The following ZNF469 variants were observed in gnomAD, a reference collection of about 807,000 sequenced individuals.
The protein encoded by ZNF469 is zinc finger protein 469.
A neutral mutation model predicts 1.0 loss-of-function variants in ZNF469; 1 was observed. The ratio of observed to expected loss-of-function variants is 1.00; its 90% CI spans 0.35 to 4.73. The LOEUF is 4.73. Among genes scored for constraint, ZNF469 ranks in the 30% most tolerant of loss-of-function variants. The probability of loss-of-function intolerance (pLI) is 0.16; values close to 1 mark genes in which losing one functional copy is unlikely to be tolerated. For synonymous variants in ZNF469, 2,703 were observed against 2,363.4 expected (o/e 1.14, Z -4.17); for missense variants, 6,100 against 5,356.3 (o/e 1.14, Z -4.33).
chr16:88,415,896 G>T (rs1251180037), intron 1 of ZNF469, among the ~76,000 whole-genome samples: 2 of 152,210 alleles, frequency 1.3e-5, no homozygotes, highest in African/African-American at 4.8e-5. Context: ...TCAAGCTGGG[G>T]CGGCAGGCAC....
the ZNF469 span, among the ~76,000 whole-genome samples, chr16:88,114,498 C>T: frequency 1.3e-5 from 2 of 151,060 alleles, no homozygotes; most frequent in Non-Finnish European, 2.9e-5. Context: ...TGGGGAATGA[C>T]AGGGACCACA....
rs1413238535 is a variant in ZNF469, at chr16:88,438,030, C to G, written c.10560C>G (p.Thr3520=). The G allele has an allele frequency of 2.6e-6, 4 of 1,550,130 alleles. No individual in the cohort carries two copies. Among genetic ancestry groups the G allele is most frequent in the Non-Finnish European group, 3.5e-6 (4 of 1,146,936 alleles). Residue 3520 remains threonine (T), a synonymous_variant, in exon 3 of 3, where the codon ACC becomes ACG. Transcript: ENST00000565624. The part of the protein sequence containing the change: ...HLCSEVAPST[T]KGWPETLERP... ...GTTCGGAGGTGGCTCCCAGCACCACCAAGGGATGGCCCGAGACCCTAGAGA... is the reference window on the plus strand; with the variant it reads ...GTTCGGAGGTGGCTCCCAGCACCACGAAGGGATGGCCCGAGACCCTAGAGA...
chr16:88,142,886 A>G, the ZNF469 span, among the ~76,000 whole-genome samples: 2 of 152,154 alleles, frequency 1.3e-5, no homozygotes, highest in South Asian at 4.1e-4. Flanking sequence ...GACGGATGGC[A>G]TCGTCACCCT....
At chr16:88,228,531 C>T in the ZNF469 span, among the ~76,000 whole-genome samples, 1 of 152,244 alleles carries the variant, frequency 6.6e-6, no homozygotes, top group Non-Finnish European at 1.5e-5. Context: ...AGCAGAGACG[C>T]ACCCCTGGGG....
chr16:88,320,934 A>C, the ZNF469 span, among the ~76,000 whole-genome samples: 2 of 152,246 alleles, frequency 1.3e-5, no homozygotes, highest in Non-Finnish European at 2.9e-5. Context: ...ACGCAGATGC[A>C]GTGTCCAGTG....
At chr16:88,411,350 G>A (rs1382273514) in intron 1 of ZNF469, among the ~76,000 whole-genome samples, 4 of 152,170 alleles carry the variant, frequency 2.6e-5, no homozygotes, top group South Asian at 2.1e-4. Context: ...ACGCAGCCCC[G>A]GCGGGTGGTC....
At chr16:88,210,346 T>C in the ZNF469 span, among the ~76,000 whole-genome samples, 5 of 152,034 alleles carry the variant, frequency 3.3e-5, no homozygotes, top group African/African-American at 1.2e-4. Context: ...ATTTGTCCTT[T>C]GGATTTCTTT....
chr16:88,354,624 G>A, the ZNF469 span, among the ~76,000 whole-genome samples: 5 of 17,328 alleles, frequency 2.9e-4, no homozygotes, highest in South Asian at 2.1e-3. Flanking sequence ...GCTTCTCACC[G>A]CGCCCGGCCC....
chr16:88,121,733 G>A, the ZNF469 span, among the ~76,000 whole-genome samples: 1 of 152,244 alleles, frequency 6.6e-6, no homozygotes, highest in African/African-American at 2.4e-5. Flanking sequence ...TTGGCCAGGA[G>A]GTTGCAGGCC....
At chr16:88,208,925 C>A in the ZNF469 span, among the ~76,000 whole-genome samples, 1 of 151,694 alleles carries the variant, frequency 6.6e-6, no homozygotes, top group African/African-American at 2.4e-5. Flanking sequence ...GGTCTGCCCT[C>A]TACCATTCTC....
At position 88,429,323 on chromosome 16, in the gene ZNF469, C is replaced by A; in HGVS notation, c.1853C>A (p.Pro618His). ...LSPMSSSPAN[P>H]SSEESQLPGP... ...CCGATGTCCAGCAGCCCAGCCAACC[C>A]CAGCTCAGAGGAAAGCCAGCTCCCC... The change falls in exon 3 of 3, where the codon CCC becomes CAC. Residue 618 changes from proline (P) to histidine (H), a missense_variant. By Grantham distance (77) the Pro-to-His change is moderately conservative. Coordinates refer to ENST00000565624, the MANE Select transcript of ZNF469 (RefSeq NM_001367624.2). 1 of 1,549,980 alleles carries A rather than the reference C, an allele frequency of 6.5e-7. No individual in the cohort carries two copies. Among genetic ancestry groups the A allele is most frequent in the East Asian group, 2.4e-5 (1 of 40,914 alleles).
the ZNF469 span, among the ~76,000 whole-genome samples, chr16:88,369,565 C>A: frequency 1.3e-5 from 2 of 152,268 alleles, no homozygotes; most frequent in African/African-American, 2.4e-5. Context: ...CAAGTCACTT[C>A]ACCTCTCTGA....
In ZNF469 at chr16:88,430,665, G is replaced by A. The variant is rs780404491; in HGVS notation, c.3195G>A (p.Leu1065=). 6.7e-7 allele frequency: 1 copy of A among 1,495,620 alleles called. No individual in the cohort carries two copies. Among genetic ancestry groups the A allele is most frequent in the South Asian group, 1.3e-5 (1 of 79,284 alleles). 92.6% of individuals were successfully genotyped at this position (1,495,620 alleles called of 1,614,324 possible). A position where few individuals can be genotyped will look rare whatever the true frequency, so the allele number is the denominator to read the frequency against. The change falls in exon 3 of 3, where the codon CTG becomes CTA. Residue 1065 remains leucine, a synonymous_variant. Coordinates refer to ENST00000565624, the MANE Select transcript of ZNF469 (RefSeq NM_001367624.2). ...AGAAGAACAGGCGCCACCGGCGGCTGGGGCGGCGGGCGGGCAGGTGCGGCT... is the reference window on the plus strand; with the variant it reads ...AGAAGAACAGGCGCCACCGGCGGCTAGGGCGGCGGGCGGGCAGGTGCGGCT... ...VQQKNRRHRR[L]GRRAGRCGSL...
the ZNF469 span, among the ~76,000 whole-genome samples, chr16:88,121,570 C>G: frequency 6.6e-6 from 1 of 152,210 alleles, no homozygotes; most frequent in African/African-American, 2.4e-5. Context: ...GGCTCACAGG[C>G]TGAAATCCGG....
chr16:88,357,756 G>A, the ZNF469 span, among the ~76,000 whole-genome samples: 24 of 152,312 alleles, frequency 1.6e-4, no homozygotes, highest in East Asian at 4.1e-3. Context: ...TAGTCCTTTT[G>A]TTGCCCATGC....
the ZNF469 span, among the ~76,000 whole-genome samples, chr16:88,237,934 C>T: frequency 4.6e-3 from 693 of 152,010 alleles, 6 homozygotes; most frequent in African/African-American, 0.016. Flanking sequence ...ATCCAGCCTT[C>T]TCCAATGGGC....
the ZNF469 span, among the ~76,000 whole-genome samples, chr16:88,135,908 C>T: frequency 7.9e-5 from 12 of 151,742 alleles, no homozygotes; most frequent in African/African-American, 2.4e-4. Flanking sequence ...CTACAGGCGC[C>T]GGCCAACACG....
the ZNF469 span, among the ~76,000 whole-genome samples, chr16:88,169,518 C>T: frequency 1.3e-5 from 2 of 152,146 alleles, no homozygotes; most frequent in Admixed American, 6.5e-5. The surrounding 1 kb of genome is among the most constrained non-coding windows in gnomAD (Gnocchi z 6.1). Flanking sequence ...GTGCGTTTGG[C>T]GATCCAGGTT....
rs994815851 is a variant in ZNF469 at position 88,437,894 on chromosome 16, G to A, written c.10424G>A (p.Arg3475His). ...GAGGGCACACTGCCCAGCAAACGGC[G>A]CAGGGTGGCCATGCCCGGCAGTGCC... is the stretch of plus-strand genomic sequence containing the variant. Reference protein sequence around the residue: ...ALEGTLPSKRRRVAMPGSAPG... With the variant: ...ALEGTLPSKRHRVAMPGSAPG... Residue 3475 changes from arginine (R) to histidine (H), a missense_variant, in exon 3 of 3, where the codon CGC (arginine) becomes CAC (histidine). Physicochemically the swap from Arg to His is conservative, Grantham distance 29 (BLOSUM62 0). Transcript: ENST00000565624. 8.4e-6 allele frequency: 13 copies of A among 1,540,304 alleles called. No homozygotes were observed. Among genetic ancestry groups the A allele is most frequent in the East Asian group, 2.5e-5 (1 of 40,638 alleles).
Sources: gnomAD v4.1 joint callset for allele counts (sites outside exome capture counted in the v4.1 genomes callset) on GRCh38, gnomAD v4.1.1 for gene constraint, Gnocchi (gnomAD v3.1) non-coding constraint, MANE v1.5 for transcripts, NCBI Gene and HGNC (gene_info 2026-07-23, HGNC 2026-07-21) for gene names.